Variants in LRMDA observed in about 807,000 individuals in gnomAD.
LRMDA encodes the protein leucine-rich melanocyte differentiation-associated protein.
LRMDA carries 18 observed loss-of-function variants against 29.8 expected under a neutral mutation model. The observed-to-expected ratio is 0.60, with a 90% CI of 0.42 to 0.90. LRMDA has a LOEUF of 0.90. LRMDA is among the 40% of genes least tolerant of loss of function. The probability of loss-of-function intolerance (pLI) is 0.00; values close to 1 mark genes in which losing one functional copy is unlikely to be tolerated. For missense variants in LRMDA, 273 were observed against 273.9 expected (o/e 1.00, Z 0.02); for synonymous variants, 125 against 109.4 (o/e 1.14, Z -0.89).
intron 5 of LRMDA, among the ~76,000 whole-genome samples, chr10:76,275,544 A>G (rs1840120599): frequency 1.3e-5 from 2 of 151,976 alleles, no homozygotes; most frequent in Admixed American, 1.3e-4. Context: ...ATTCACTGTG[A>G]TTATGTCAAA....
chr10:76,486,191 T>C (rs1006086885), intron 6 of LRMDA, among the ~76,000 whole-genome samples: 17 of 151,970 alleles, frequency 1.1e-4, no homozygotes, highest in Non-Finnish European at 1.5e-4. Flanking sequence ...CTCTGATACA[T>C]AGAAAATTTT....
chr10:76,176,828 G>A (rs1405732615), intron 5 of LRMDA, among the ~76,000 whole-genome samples: 3 of 152,188 alleles, frequency 2.0e-5, no homozygotes, highest in Non-Finnish European at 4.4e-5. Context: ...AAGGTAGACC[G>A]TAACCCAAGA....
At chr10:76,191,253 A>G (rs1589369945) in intron 5 of LRMDA, among the ~76,000 whole-genome samples, 1 of 152,188 alleles carries the variant, frequency 6.6e-6, no homozygotes, top group East Asian at 1.9e-4. Flanking sequence ...TGATTCTTAT[A>G]AATGCACTAT....
chr10:75,462,489 T>C (rs971080938), intron 2 of LRMDA, among the ~76,000 whole-genome samples: 2 of 152,226 alleles, frequency 1.3e-5, no homozygotes, highest in Non-Finnish European at 2.9e-5. Context: ...GCGTGCTCAT[T>C]CTGTGAGATA....
chr10:76,179,242 G>A (rs776546577), intron 5 of LRMDA, among the ~76,000 whole-genome samples: 2 of 152,082 alleles, frequency 1.3e-5, no homozygotes, highest in Non-Finnish European at 2.9e-5. Context: ...CAAGGAGGGG[G>A]GGGTGGTGGA....
chr10:76,133,579 T>A (rs75563665), intron 5 of LRMDA, among the ~76,000 whole-genome samples: 2,302 of 151,724 alleles, frequency 0.015, 61 homozygotes, highest in African/African-American at 0.053. Flanking sequence ...CTGCAAACTC[T>A]GCTTAAAACA....
At chr10:75,752,034 A>AAT (rs372192307) in intron 2 of LRMDA, among the ~76,000 whole-genome samples, 5,350 of 148,686 alleles carry the variant, frequency 0.036, 262 homozygotes, top group African/African-American at 0.12. Flanking sequence ...AAAATAAATA[A>AAT]ATATATATAT....
intron 2 of LRMDA, among the ~76,000 whole-genome samples, chr10:76,024,987 G>A (rs931040081): frequency 2.6e-5 from 4 of 152,152 alleles, no homozygotes; most frequent in Non-Finnish European, 2.9e-5. Context: ...GCGGTACACC[G>A]TGTCCACTCT....
chr10:75,938,753 A>G (rs942290062), intron 2 of LRMDA, among the ~76,000 whole-genome samples: 2 of 152,196 alleles, frequency 1.3e-5, no homozygotes, highest in Admixed American at 6.5e-5. Flanking sequence ...AGACCCTGAA[A>G]TGAGACTTGG....
At chr10:76,283,824 A>T (rs978762599) in intron 5 of LRMDA, among the ~76,000 whole-genome samples, 1 of 151,938 alleles carries the variant, frequency 6.6e-6, no homozygotes, top group African/African-American at 2.4e-5. Context: ...ACTGTGTTTC[A>T]CTGCTTTTCT....
chr10:75,526,239 A>AT (rs1845411440), intron 2 of LRMDA, among the ~76,000 whole-genome samples: 1 of 151,546 alleles, frequency 6.6e-6, no homozygotes, highest in African/African-American at 2.4e-5. Context: ...CTAATTTTTA[A>AT]TTTTTTGTAG....
intron 2 of LRMDA, among the ~76,000 whole-genome samples, chr10:75,500,230 CA>C (rs1483527542): frequency 6.6e-6 from 1 of 152,178 alleles, no homozygotes; most frequent in East Asian, 1.9e-4. Flanking sequence ...TGCTAATACA[CA>C]TGCACACACA....
chr10:76,103,614 T>A (rs1300837193), intron 5 of LRMDA, among the ~76,000 whole-genome samples: 2 of 152,248 alleles, frequency 1.3e-5, no homozygotes, highest in Non-Finnish European at 2.9e-5. Flanking sequence ...AATGTATTCA[T>A]AAATTCAAGC....
chr10:75,550,632 G>A (rs575514361), intron 2 of LRMDA, among the ~76,000 whole-genome samples: 79 of 152,010 alleles, frequency 5.2e-4, no homozygotes, highest in African/African-American at 1.8e-3. Context: ...TTTTAATTTG[G>A]AATGTTTAGG....
At chr10:76,130,945 G>A (rs1212653513) in intron 5 of LRMDA, among the ~76,000 whole-genome samples, 1 of 152,180 alleles carries the variant, frequency 6.6e-6, no homozygotes. Context: ...TTACAGGTGT[G>A]AGCCACCATG....
intron 2 of LRMDA, among the ~76,000 whole-genome samples, chr10:75,670,193 G>A (rs1841873814): frequency 6.6e-6 from 1 of 152,174 alleles, no homozygotes; most frequent in Non-Finnish European, 1.5e-5. Flanking sequence ...CAGTGTAAGT[G>A]ACCTTTGGGA....
intron 4 of LRMDA, among the ~76,000 whole-genome samples, chr10:76,052,919 C>T (rs886072615): frequency 2.6e-5 from 4 of 152,026 alleles, no homozygotes; most frequent in African/African-American, 9.7e-5. Context: ...GAGCTAGGGA[C>T]GTGAGACTTA....
chr10:75,972,081 T>G (rs1846983247), intron 2 of LRMDA, among the ~76,000 whole-genome samples: 1 of 152,202 alleles, frequency 6.6e-6, no homozygotes, highest in Non-Finnish European at 1.5e-5. Flanking sequence ...GGCTCTTGGA[T>G]GTATCGCTTC....
chr10:76,426,925 A>C (rs1057420753), intron 6 of LRMDA, among the ~76,000 whole-genome samples: 1 of 151,952 alleles, frequency 6.6e-6, no homozygotes. Context: ...GATGTGTGGT[A>C]TTATTTCTGA....
Sources: allele counts gnomAD v4.1 joint callset (sites outside exome capture counted in the v4.1 genomes callset), GRCh38; gene constraint gnomAD v4.1.1; transcripts MANE v1.5; gene names NCBI Gene and HGNC (gene_info 2026-07-23, HGNC 2026-07-21).